The following PBX3 variants were observed in gnomAD, a reference collection of about 807,000 sequenced individuals.
The protein encoded by PBX3 is PBX homeobox 3, also known as pre-B-cell leukemia transcription factor 3.
A neutral mutation model predicts 48.5 loss-of-function variants in PBX3; 14 were observed. The ratio of observed to expected loss-of-function variants is 0.29; its 90% CI spans 0.19 to 0.45. The LOEUF is 0.45. Among genes scored for constraint, PBX3 ranks in the 20% least tolerant of loss-of-function variants. The probability of loss-of-function intolerance (pLI) is 1.00; values close to 1 mark genes in which losing one functional copy is unlikely to be tolerated. For missense variants in PBX3, 386 were observed against 546.7 expected (o/e 0.71, Z 2.93); for synonymous variants, 210 against 200.3 (o/e 1.05, Z -0.41).
chr9:125,773,163 A>G (rs1836984821), intron 2 of PBX3, among the ~76,000 whole-genome samples: 1 of 152,220 alleles, frequency 6.6e-6, no homozygotes, highest in African/African-American at 2.4e-5. Flanking sequence ...TATATTACTT[A>G]TGAGACTTTC....
intron 5 of PBX3, among the ~76,000 whole-genome samples, chr9:125,954,629 G>A (rs1842263456): frequency 1.3e-5 from 2 of 152,248 alleles, no homozygotes; most frequent in East Asian, 1.9e-4. Context: ...TCTGCCTCCC[G>A]GGTTCAAGCG....
chr9:125,797,176 G>A (rs886226425), intron 2 of PBX3, among the ~76,000 whole-genome samples: 1 of 152,144 alleles, frequency 6.6e-6, no homozygotes, highest in Non-Finnish European at 1.5e-5. Flanking sequence ...TTTAAAAAAT[G>A]TTTTGAAATG....
chr9:125,826,071 G>T (rs535908413), intron 2 of PBX3, among the ~76,000 whole-genome samples: 3 of 152,300 alleles, frequency 2.0e-5, no homozygotes, highest in African/African-American at 7.2e-5. Flanking sequence ...ACTAGTTCCA[G>T]AAGTTAGGAT....
intron 4 of PBX3, among the ~76,000 whole-genome samples, chr9:125,932,591 A>G (rs1378381915): frequency 3.3e-5 from 5 of 152,224 alleles, no homozygotes; most frequent in Non-Finnish European, 7.3e-5. Flanking sequence ...GAGAGGTAGC[A>G]TCAGACGACA....
chr9:125,900,605 G>A (rs1366795659), intron 2 of PBX3, among the ~76,000 whole-genome samples: 4 of 151,716 alleles, frequency 2.6e-5, no homozygotes, highest in South Asian at 4.1e-4. Flanking sequence ...TCACAGTGTA[G>A]CCTCTACAGG....
At chr9:125,904,037 C>G (rs1841013502) in intron 2 of PBX3, among the ~76,000 whole-genome samples, 1 of 151,748 alleles carries the variant, frequency 6.6e-6, no homozygotes, top group South Asian at 2.1e-4. Context: ...GCCTAGCACA[C>G]AGAAAGCTCT....
intron 2 of PBX3, among the ~76,000 whole-genome samples, chr9:125,865,975 C>A (rs371370992): frequency 1.5e-4 from 22 of 150,366 alleles, no homozygotes; most frequent in African/African-American, 5.4e-4. Context: ...TTTTTCCCCC[C>A]ACAAAAGAAA....
At chr9:125,940,184 C>CAA (rs61487031) in intron 5 of PBX3, among the ~76,000 whole-genome samples, 6 of 126,348 alleles carry the variant, frequency 4.7e-5, no homozygotes, top group East Asian at 2.3e-4. Flanking sequence ...AACTCCGTCT[C>CAA]AAAAAAAAAA....
rs145442067 is a variant in PBX3, at chr9:125,886,426, G to A, written c.275-29260G>A. Among the ~76,000 whole-genome samples, 13 of 152,178 alleles carry A rather than the reference G, an allele frequency of 8.5e-5. No homozygotes were observed. The East Asian group carries it at 2.5e-3, about 29-fold the overall frequency. On this transcript the variant is annotated intron_variant, in intron 2 of 8. Coordinates refer to ENST00000373489, the MANE Select transcript of PBX3 (RefSeq NM_006195.6). ...ACATTTCTAATTTCCCTCATTTGAA[G>A]GTTCAAACAGTTTCAAATTACTGCC...
chr9:125,797,794 T>C (rs10986924), intron 2 of PBX3, among the ~76,000 whole-genome samples: 3,051 of 152,228 alleles, frequency 0.02, 166 homozygotes, highest in East Asian at 0.17. Flanking sequence ...TCTACATATC[T>C]GGGGTCAGGA....
chr9:125,838,628 T>C (rs1018767573), intron 2 of PBX3, among the ~76,000 whole-genome samples: 1 of 152,246 alleles, frequency 6.6e-6, no homozygotes, highest in African/African-American at 2.4e-5. Flanking sequence ...TACATAAATG[T>C]AATTGTTGAT....
intron 2 of PBX3, among the ~76,000 whole-genome samples, chr9:125,764,128 G>C (rs1171991155): frequency 6.6e-6 from 1 of 152,240 alleles, no homozygotes; most frequent in Non-Finnish European, 1.5e-5. Context: ...TGCAAGGACA[G>C]GGCGGGGATA....
chr9:125,767,552 A>C (rs1836831549), intron 2 of PBX3, among the ~76,000 whole-genome samples: 1 of 152,182 alleles, frequency 6.6e-6, no homozygotes, highest in Non-Finnish European at 1.5e-5. Context: ...TCCTATGTGA[A>C]AGTGATAAAA....
intron 3 of PBX3, among the ~76,000 whole-genome samples, chr9:125,917,885 A>G (rs970320015): frequency 4.6e-5 from 7 of 152,230 alleles, no homozygotes; most frequent in African/African-American, 1.7e-4. Flanking sequence ...AAATGTACAA[A>G]TAAGAATTTT....
chr9:125,816,405 A>T (rs1208712536), intron 2 of PBX3, among the ~76,000 whole-genome samples: 2 of 152,218 alleles, frequency 1.3e-5, no homozygotes, highest in Admixed American at 1.3e-4. Flanking sequence ...GAGCCAGAAG[A>T]TCCAGAGCGA....
chr9:125,783,339 C>A (rs1479053558), intron 2 of PBX3, among the ~76,000 whole-genome samples: 2 of 152,006 alleles, frequency 1.3e-5, no homozygotes, highest in African/African-American at 2.4e-5. Context: ...CCAGGCTGGA[C>A]TGCAGTGGCA....
chr9:125,751,820 G>C (rs1487747203), intron 2 of PBX3, among the ~76,000 whole-genome samples: 1 of 152,088 alleles, frequency 6.6e-6, no homozygotes, highest in East Asian at 1.9e-4. Context: ...CTGCTCACCT[G>C]CATACCTCTT....
At chr9:125,934,037 C>G (rs1588312414) in intron 4 of PBX3, among the ~76,000 whole-genome samples, 2 of 152,136 alleles carry the variant, frequency 1.3e-5, no homozygotes, top group African/African-American at 4.8e-5. Flanking sequence ...TCTTCCCTTA[C>G]CACCTCCCCA....
chr9:125,890,704 A>G (rs540471211), intron 2 of PBX3, among the ~76,000 whole-genome samples: 1 of 152,350 alleles, frequency 6.6e-6, no homozygotes, highest in Admixed American at 6.5e-5. Flanking sequence ...CAGTATTTCT[A>G]CAATGTAGTG....
Sources: gnomAD v4.1 joint callset for allele counts (sites outside exome capture counted in the v4.1 genomes callset) on GRCh38, gnomAD v4.1.1 for gene constraint, MANE v1.5 for transcripts, NCBI Gene and HGNC (gene_info 2026-07-23, HGNC 2026-07-21) for gene names.